The following MBOAT2 variants were observed in gnomAD, a reference collection of about 807,000 sequenced individuals.
MBOAT2 encodes membrane bound glycerophospholipid O-acyltransferase 2.
In MBOAT2, 28 loss-of-function variants were observed where a neutral mutation model predicts 63.4. The observed-to-expected ratio is 0.44, with a 90% CI of 0.33 to 0.61. The LOEUF is 0.61. MBOAT2 is among the 20% of genes least tolerant of loss of function. MBOAT2 has a pLI of 0.03. For missense variants in MBOAT2, 470 were observed against 605.8 expected (o/e 0.78, Z 2.35); for synonymous variants, 211 against 215.6 (o/e 0.98, Z 0.19).
intron 4 of MBOAT2, among the ~76,000 whole-genome samples, chr2:8,897,316 T>A (rs1386866080): frequency 6.6e-6 from 1 of 152,206 alleles, no homozygotes; most frequent in Admixed American, 6.5e-5. Context: ...CTGCTTATGC[T>A]GCTGTTCTCC....
intron 5 of MBOAT2, among the ~76,000 whole-genome samples, chr2:8,884,936 A>T (rs917277563): frequency 2.0e-5 from 3 of 152,226 alleles, no homozygotes; most frequent in African/African-American, 7.2e-5. Context: ...ACCAAGTCCA[A>T]GTGAGGCAGT....
At chr2:8,965,017 C>T (rs1457625789) in intron 1 of MBOAT2, among the ~76,000 whole-genome samples, 2 of 152,054 alleles carry the variant, frequency 1.3e-5, no homozygotes, top group Non-Finnish European at 2.9e-5. Context: ...AGTCTTGTAT[C>T]TTTGTTTATG....
At chr2:8,870,250 AAGGGCAGGGCCAC>A (rs2148519736) in intron 8 of MBOAT2, among the ~76,000 whole-genome samples, 1 of 152,314 alleles carries the variant, frequency 6.6e-6, no homozygotes, top group Admixed American at 6.5e-5. Flanking sequence ...ATAAGGAGAA[AAGGGCAGGGCCAC>A]AGGGCTGTGG....
intron 2 of MBOAT2, among the ~76,000 whole-genome samples, chr2:8,944,680 C>T (rs1668289274): frequency 6.6e-6 from 1 of 151,058 alleles, no homozygotes; most frequent in Non-Finnish European, 1.5e-5. Context: ...CACACACACA[C>T]ACACGAAAAT....
intron 12 of MBOAT2, among the ~76,000 whole-genome samples, chr2:8,860,140 G>A (rs976636286): frequency 2.0e-5 from 3 of 151,830 alleles, no homozygotes; most frequent in Non-Finnish European, 2.9e-5. Context: ...TGAGCCGAGC[G>A]AGATTGCACC....
chr2:8,862,964 ATATAG>A lies in MBOAT2; in HGVS notation c.1053-247_1053-243del, dbSNP rs1661594998. Reference sequence around the variant, plus strand: ...GTATATATAGTATATATATTGGTATATATAGTAACTTAAATGATCATTTCTAGTAT... The same window carrying A: ...GTATATATAGTATATATATTGGTATATAACTTAAATGATCATTTCTAGTAT... On this transcript the variant is annotated intron_variant, in intron 10 of 12. Transcript: ENST00000305997. This position sits in a 1 kb window ranked among gnomAD's most constrained non-coding sequence, Gnocchi z 4.3. 6.6e-6 allele frequency among the ~76,000 whole-genome samples: 1 copy of A among 152,002 alleles called. No individual in the cohort carries two copies. The highest frequency in any genetic ancestry group is 2.4e-5 in the African/African-American group (1 of 41,412).
intron 5 of MBOAT2, among the ~76,000 whole-genome samples, chr2:8,885,738 C>CT (rs1317627309): frequency 6.6e-6 from 1 of 152,206 alleles, no homozygotes; most frequent in African/African-American, 2.4e-5. Context: ...GATGAAATGT[C>CT]TTAAAAACCA....
intron 1 of MBOAT2, among the ~76,000 whole-genome samples, chr2:8,978,175 C>T (rs1043488015): frequency 5.9e-5 from 9 of 152,226 alleles, no homozygotes; most frequent in Admixed American, 4.6e-4. Flanking sequence ...AGCCTCATCT[C>T]GCACTGTTTC....
chr2:8,937,023 G>T (rs1215866370), intron 3 of MBOAT2, among the ~76,000 whole-genome samples: 1 of 152,124 alleles, frequency 6.6e-6, no homozygotes, highest in East Asian at 1.9e-4. Flanking sequence ...TTCTTCCACA[G>T]CCTAAGTGGA....
intron 2 of MBOAT2, among the ~76,000 whole-genome samples, chr2:8,958,074 C>A (rs1202286353): frequency 6.6e-6 from 1 of 152,084 alleles, no homozygotes; most frequent in Admixed American, 6.5e-5. Context: ...TTGGTAATGG[C>A]AGAATCTAAA....
intron 3 of MBOAT2, among the ~76,000 whole-genome samples, chr2:8,937,322 T>C (rs1235819294): frequency 2.6e-5 from 4 of 152,232 alleles, no homozygotes; most frequent in Non-Finnish European, 5.9e-5. Context: ...GGAAGTCATG[T>C]CATCACTCAT....
Position 9,003,399 on chromosome 2 carries a change from C to T in MBOAT2, c.75+141G>A, listed in dbSNP as rs1312326566. On this transcript the variant is annotated intron_variant, in intron 1 of 12. Coordinates refer to ENST00000305997, the MANE Select transcript of MBOAT2 (RefSeq NM_138799.4). The surrounding 1 kb of genome is among the most constrained non-coding windows in gnomAD (Gnocchi z 5.4). ...ACAATAACCGGCTTGTTGCCCCCTC[C>T]CTTCCAGGGAGCGGCGGGTAGGGGG... 6.0e-5 allele frequency: 21 copies of T among 349,990 alleles called. No homozygotes were observed. In the East Asian group the frequency reaches 1.3e-3, roughly 22 times the overall value. 21.7% of individuals were successfully genotyped at this position (349,990 alleles called of 1,614,324 possible). A position where few individuals can be genotyped will look rare whatever the true frequency, so the allele number is the denominator to read the frequency against.
chr2:9,000,694 C>A (rs1167632872), intron 1 of MBOAT2, among the ~76,000 whole-genome samples: 4 of 152,170 alleles, frequency 2.6e-5, no homozygotes, highest in Non-Finnish European at 5.9e-5. Flanking sequence ...CCAGATGGTA[C>A]AGCCTAGGAG....
Position 8,854,682 on chromosome 2 carries a change from T to C in MBOAT2, c.*3997A>G, listed in dbSNP as rs1660971441. The stretch of plus-strand genomic sequence containing the variant: ...AAGTATAAATGTCCAGATTTGTTCA[T>C]GAATATACAAACTAAATACTTACAA... On this transcript the variant is annotated 3_prime_UTR_variant, in exon 13 of 13. Transcript: ENST00000305997. 6.6e-6 allele frequency: 1 copy of C among 152,242 alleles called. No individual in the cohort carries two copies. The highest frequency in any genetic ancestry group is 1.5e-5 in the Non-Finnish European group (1 of 68,036). 9.4% of individuals were successfully genotyped at this position (152,242 alleles called of 1,614,324 possible).
chr2:9,003,557 G>T lies in MBOAT2; in HGVS notation c.58C>A (p.Gln20Lys). The change falls in exon 1 of 13, where the codon CAG (glutamine) becomes AAG (lysine). Residue 20 changes from glutamine (Q) to lysine (K), a missense_variant. Gln to Lys is a moderately conservative substitution (Grantham distance 53, BLOSUM62 1). Coordinates refer to ENST00000305997, the MANE Select transcript of MBOAT2 (RefSeq NM_138799.4). This position sits in a 1 kb window ranked among gnomAD's most constrained non-coding sequence, Gnocchi z 5.4. ...TLLQPLSNAVQLPIDQVNFVV... is the reference protein window; with the variant it reads ...TLLQPLSNAVKLPIDQVNFVV... ...CGGGGTACCTGGTCGATGGGCAGCTGCACGGCGTTGCTGAGGGGCTGCAGC... is the reference window on the plus strand; with the variant it reads ...CGGGGTACCTGGTCGATGGGCAGCTTCACGGCGTTGCTGAGGGGCTGCAGC... 5 of 1,227,912 alleles carry T rather than the reference G, an allele frequency of 4.1e-6. No homozygotes were observed. The highest frequency in any genetic ancestry group is 4.1e-6 in the Non-Finnish European group (4 of 978,950). 76.1% of individuals were successfully genotyped at this position (1,227,912 alleles called of 1,614,324 possible).
chr2:8,949,911 A>C (rs1375893123), intron 2 of MBOAT2, among the ~76,000 whole-genome samples: 3 of 152,140 alleles, frequency 2.0e-5, no homozygotes, highest in Non-Finnish European at 4.4e-5. Context: ...TGCTTTGGGC[A>C]GTATGGCCAT....
At chr2:8,898,905 G>A (rs1664700404) in intron 4 of MBOAT2, among the ~76,000 whole-genome samples, 1 of 152,220 alleles carries the variant, frequency 6.6e-6, no homozygotes, top group Non-Finnish European at 1.5e-5. Flanking sequence ...CTGCCTCATT[G>A]ATAAGTCTAA....
At chr2:8,931,716 TG>T (rs1667329581) in intron 3 of MBOAT2, among the ~76,000 whole-genome samples, 1 of 152,202 alleles carries the variant, frequency 6.6e-6, no homozygotes, top group Non-Finnish European at 1.5e-5. Flanking sequence ...TCTATAGTTT[TG>T]GGTTTTACAT....
intron 3 of MBOAT2, among the ~76,000 whole-genome samples, chr2:8,917,051 A>G (rs1666234369): frequency 6.6e-6 from 1 of 152,246 alleles, no homozygotes; most frequent in South Asian, 2.1e-4. Flanking sequence ...TGCAACAAAT[A>G]GTGCTGGGAC....
Sources: gnomAD v4.1 joint callset for allele counts (sites outside exome capture counted in the v4.1 genomes callset) on GRCh38, gnomAD v4.1.1 for gene constraint, Gnocchi (gnomAD v3.1) non-coding constraint, MANE v1.5 for transcripts, NCBI Gene and HGNC (gene_info 2026-07-23, HGNC 2026-07-21) for gene names.